SGCZ: variants seen among roughly 807,000 people sequenced by gnomAD.
The protein encoded by SGCZ is zeta-sarcoglycan.
SGCZ carries 40 observed loss-of-function variants against 41.3 expected under a neutral mutation model. The observed-to-expected ratio is 0.97, with a 90% CI of 0.75 to 1.26. SGCZ has a LOEUF of 1.26. SGCZ is among the 50% of genes most tolerant of loss of function. SGCZ has a pLI of 0.00. For synonymous variants in SGCZ, 206 were observed against 137.5 expected (o/e 1.50, Z -3.49); for missense variants, 552 against 369.8 (o/e 1.49, Z -4.04).
At chr8:14,832,433 G>T (rs1483971111) in intron 1 of SGCZ, among the ~76,000 whole-genome samples, 1 of 152,090 alleles carries the variant, frequency 6.6e-6, no homozygotes, top group Non-Finnish European at 1.5e-5. Context: ...CCAAGAGGTT[G>T]GTTAGAAATA....
chr8:15,034,217 A>G (rs1803789519), intron 1 of SGCZ, among the ~76,000 whole-genome samples: 1 of 152,194 alleles, frequency 6.6e-6, no homozygotes, highest in African/African-American at 2.4e-5. Flanking sequence ...ACAATTGAAT[A>G]AAATAAGGGA....
intron 5 of SGCZ, among the ~76,000 whole-genome samples, chr8:14,145,035 A>C (rs542482721): frequency 6.6e-6 from 1 of 152,224 alleles, no homozygotes; most frequent in East Asian, 1.9e-4. Context: ...CTCTGGATCT[A>C]CCTGAGGCCC....
intron 2 of SGCZ, among the ~76,000 whole-genome samples, chr8:14,465,435 G>A (rs1048867886): frequency 4.6e-5 from 7 of 151,524 alleles, no homozygotes; most frequent in African/African-American, 1.7e-4. Flanking sequence ...ATCTATTTGT[G>A]TCTTTGGATA....
chr8:15,098,794 C>T (rs116891980), intron 1 of SGCZ, among the ~76,000 whole-genome samples: 1 of 152,174 alleles, frequency 6.6e-6, no homozygotes, highest in African/African-American at 2.4e-5. Context: ...TGCCATGGCT[C>T]ACGCCTGTAA....
chr8:14,335,257 C>T (rs1315037704), intron 2 of SGCZ, among the ~76,000 whole-genome samples: 1 of 152,102 alleles, frequency 6.6e-6, no homozygotes, highest in Non-Finnish European at 1.5e-5. Context: ...GAAGATCCTT[C>T]CAAACATCAA....
At chr8:14,923,995 T>A (rs938165452) in intron 1 of SGCZ, among the ~76,000 whole-genome samples, 3 of 152,166 alleles carry the variant, frequency 2.0e-5, no homozygotes, top group African/African-American at 7.2e-5. Context: ...AAGGCTGTCA[T>A]AAATTACTCC....
At chr8:15,040,693 T>A (rs1303012865) in intron 1 of SGCZ, among the ~76,000 whole-genome samples, 1 of 152,194 alleles carries the variant, frequency 6.6e-6, no homozygotes, top group Non-Finnish European at 1.5e-5. Context: ...CTGCTTTTAT[T>A]TGAAATACTG....
intron 1 of SGCZ, among the ~76,000 whole-genome samples, chr8:14,933,576 C>G (rs931308292): frequency 3.3e-5 from 5 of 151,758 alleles, no homozygotes; most frequent in African/African-American, 1.2e-4. Context: ...GGACTACAGG[C>G]GCCTGCCACC....
chr8:14,942,671 A>G (rs1800316839), intron 1 of SGCZ, among the ~76,000 whole-genome samples: 1 of 152,098 alleles, frequency 6.6e-6, no homozygotes, highest in South Asian at 2.1e-4. Context: ...AATTTCCATC[A>G]CTGAAAATCT....
chr8:15,094,862 C>T (rs970121717), intron 1 of SGCZ, among the ~76,000 whole-genome samples: 1 of 152,138 alleles, frequency 6.6e-6, no homozygotes, highest in Non-Finnish European at 1.5e-5. Context: ...TACCTTCTGT[C>T]ATGTTTGTAT....
intron 7 of SGCZ, among the ~76,000 whole-genome samples, chr8:14,100,613 ATATAT>A (rs1304931622): frequency 2.2e-5 from 3 of 138,230 alleles, no homozygotes; most frequent in Non-Finnish European, 3.1e-5. Context: ...ATTTATATTA[ATATAT>A]TAATATATTT....
chr8:14,249,660 T>C (rs567542412), intron 3 of SGCZ, among the ~76,000 whole-genome samples: 21 of 152,300 alleles, frequency 1.4e-4, no homozygotes, highest in Admixed American at 3.9e-4. Flanking sequence ...TTAGAGATAA[T>C]CTATTTTCAA....
intron 4 of SGCZ, among the ~76,000 whole-genome samples, chr8:14,203,222 T>G (rs936340678): frequency 1.1e-4 from 16 of 152,316 alleles, no homozygotes; most frequent in Admixed American, 2.0e-4. Context: ...TTAGGTGTGT[T>G]TGAATTTTAA....
intron 1 of SGCZ, among the ~76,000 whole-genome samples, chr8:15,061,991 G>GT (rs1426208014): frequency 3.9e-5 from 6 of 152,278 alleles, no homozygotes; most frequent in African/African-American, 1.4e-4. Flanking sequence ...ATTTTCCAAA[G>GT]TTTATTATCT....
At chr8:14,285,092 G>C (rs28706900) in intron 3 of SGCZ, among the ~76,000 whole-genome samples, 5,221 of 152,080 alleles carry the variant, frequency 0.034, 288 homozygotes, top group African/African-American at 0.12. Flanking sequence ...CCTTTAATAA[G>C]GCTAAGACTC....
chr8:15,210,181 C>T (rs1801192942), intron 1 of SGCZ, among the ~76,000 whole-genome samples: 1 of 152,058 alleles, frequency 6.6e-6, no homozygotes, highest in Non-Finnish European at 1.5e-5. Flanking sequence ...AGAATCCTAC[C>T]ATCATCGAGC....
intron 1 of SGCZ, among the ~76,000 whole-genome samples, chr8:14,977,096 T>C (rs529778855): frequency 2.6e-4 from 40 of 152,358 alleles, no homozygotes; most frequent in African/African-American, 8.9e-4. Context: ...TAACTCCTTT[T>C]CACGGAAAGT....
At chr8:15,027,282 T>G (rs1225867547) in intron 1 of SGCZ, among the ~76,000 whole-genome samples, 1 of 152,184 alleles carries the variant, frequency 6.6e-6, no homozygotes, top group East Asian at 1.9e-4. Context: ...TAGAAAACAT[T>G]GTTTTGCTAT....
chr8:14,167,146 T>C (rs1804234790), intron 4 of SGCZ, among the ~76,000 whole-genome samples: 2 of 152,154 alleles, frequency 1.3e-5, no homozygotes, highest in African/African-American at 2.4e-5. Context: ...CTTGGGGATA[T>C]AGTCAATTAT....
Sources: gnomAD v4.1 joint callset for allele counts (sites outside exome capture counted in the v4.1 genomes callset) on GRCh38, gnomAD v4.1.1 for gene constraint, MANE v1.5 for transcripts, NCBI Gene and HGNC (gene_info 2026-07-23, HGNC 2026-07-21) for gene names.